The following NARS2 variants were observed in gnomAD, a reference collection of about 807,000 sequenced individuals.
NARS2 encodes asparaginyl-tRNA synthetase.
Under a neutral mutation model 62.9 loss-of-function variants are expected in NARS2, and 60 were observed. The ratio of observed to expected loss-of-function variants is 0.95; its 90% CI spans 0.77 to 1.18. The LOEUF (loss-of-function observed/expected upper bound fraction) is 1.18, where lower values mean the gene tolerates loss of function less well. Ranked by LOEUF, NARS2 falls within the 50% of genes most tolerant of loss-of-function variation. The pLI, the probability that NARS2 is intolerant of heterozygous loss-of-function variation, is 0.00. For synonymous variants in NARS2, 196 were observed against 200.0 expected (o/e 0.98, Z 0.17); for missense variants, 619 against 576.4 (o/e 1.07, Z -0.76).
chr11:78,441,881 C>T (rs1464180860), intron 12 of NARS2, among the ~76,000 whole-genome samples: 1 of 152,104 alleles, frequency 6.6e-6, no homozygotes, highest in African/African-American at 2.4e-5. Context: ...TGTTTGAGAA[C>T]TATTAATAAA....
chr11:78,438,871 T>A (rs1017333784), intron 13 of NARS2, among the ~76,000 whole-genome samples: 6 of 152,184 alleles, frequency 3.9e-5, no homozygotes, highest in Non-Finnish European at 8.8e-5. Flanking sequence ...TTACCTTTAA[T>A]ATACTAATAT....
At chr11:78,537,237 G>A (rs1855391643) in intron 5 of NARS2, among the ~76,000 whole-genome samples, 1 of 152,056 alleles carries the variant, frequency 6.6e-6, no homozygotes, top group African/African-American at 2.4e-5. Flanking sequence ...GTTAAGTCAC[G>A]ATACAAAAAA....
At position 78,535,693 on chromosome 11, in the gene NARS2, G is replaced by A. The variant is rs1013927922; in HGVS notation, c.595-6757C>T. Among the ~76,000 whole-genome samples, 10 of 151,124 alleles carry A rather than the reference G, an allele frequency of 6.6e-5. No homozygotes were observed. The East Asian group carries it at 1.6e-3, about 24-fold the overall frequency. ...TGCCGAGGCTGGAGTGCAATGGCAC[G>A]ATCTCAGCTCACCACAACCTCTGCC... On this transcript the variant is annotated intron_variant, in intron 5 of 13. Transcript: ENST00000281038.
At chr11:78,550,310 T>C (rs1856051227) in intron 5 of NARS2, among the ~76,000 whole-genome samples, 1 of 152,214 alleles carries the variant, frequency 6.6e-6, no homozygotes, top group Non-Finnish European at 1.5e-5. Context: ...GTTTCACTGT[T>C]CCCACCTTGC....
chr11:78,542,779 GT>G (rs746159089), intron 5 of NARS2, among the ~76,000 whole-genome samples: 149 of 152,268 alleles, frequency 9.8e-4, no homozygotes, highest in Non-Finnish European at 1.2e-3. Flanking sequence ...CGCACCTGTA[GT>G]TTTAGTAACT....
At chr11:78,502,720 G>A (rs34859687) in intron 6 of NARS2, among the ~76,000 whole-genome samples, 8 of 152,146 alleles carry the variant, frequency 5.3e-5, no homozygotes, top group Non-Finnish European at 7.4e-5. Context: ...GCCAGGCGCG[G>A]CGCCTCACGC....
At chr11:78,464,256 G>T (rs992856492) in intron 11 of NARS2, among the ~76,000 whole-genome samples, 2 of 152,156 alleles carry the variant, frequency 1.3e-5, no homozygotes, top group Non-Finnish European at 2.9e-5. Context: ...CGCGGTGAGT[G>T]TTACAGCTCA....
intron 6 of NARS2, among the ~76,000 whole-genome samples, chr11:78,494,473 T>TTC (rs1555023024): frequency 1.3e-5 from 2 of 149,048 alleles, no homozygotes; most frequent in East Asian, 3.9e-4. Flanking sequence ...CTTTTTCTTT[T>TTC]TTTTTTTTTT....
Position 78,469,326 on chromosome 11 carries a change from A to T in NARS2, c.960-13T>A. ...AGTATAAGAAATGCTGGAGGAAAAC[A>T]GGATACAAGCAGAGAAAAGTCAATA... On this transcript the variant is annotated splice_polypyrimidine_tract_variant and intron_variant, in intron 9 of 13. Coordinates refer to ENST00000281038, the MANE Select transcript of NARS2 (RefSeq NM_024678.6). 1 of 1,608,514 alleles carries T rather than the reference A, an allele frequency of 6.2e-7. No homozygotes were observed. The highest frequency in any genetic ancestry group is 8.5e-7 in the Non-Finnish European group (1 of 1,175,094).
intron 11 of NARS2, among the ~76,000 whole-genome samples, chr11:78,463,604 T>C (rs1858479928): frequency 6.8e-6 from 1 of 147,688 alleles, no homozygotes; most frequent in African/African-American, 2.5e-5. Context: ...GAAAATCACT[T>C]GAACCTGGGA....
intron 6 of NARS2, among the ~76,000 whole-genome samples, chr11:78,494,747 G>C (rs1227652433): frequency 3.3e-5 from 5 of 152,056 alleles, no homozygotes; most frequent in Admixed American, 2.6e-4. Context: ...TTGCCTACTA[G>C]AATGTTTTGA....
At chr11:78,497,241 G>C (rs1192775339) in intron 6 of NARS2, among the ~76,000 whole-genome samples, 1 of 107,312 alleles carries the variant, frequency 9.3e-6, no homozygotes, top group Admixed American at 9.8e-5. Context: ...AAGCAAAATT[G>C]AAAAAAAAAA....
chr11:78,545,020 C>T (rs1466982668), intron 5 of NARS2, among the ~76,000 whole-genome samples: 1 of 152,000 alleles, frequency 6.6e-6, no homozygotes, highest in African/African-American at 2.4e-5. Context: ...TGTTTAAGTC[C>T]TAATTTATAG....
chr11:78,564,354 C>T (rs1473259351), intron 4 of NARS2, among the ~76,000 whole-genome samples: 1 of 152,050 alleles, frequency 6.6e-6, no homozygotes, highest in African/African-American at 2.4e-5. Flanking sequence ...TGCCACCATG[C>T]CTGGCTAATT....
At chr11:78,538,734 G>A (rs1855477266) in intron 5 of NARS2, among the ~76,000 whole-genome samples, 1 of 151,902 alleles carries the variant, frequency 6.6e-6, no homozygotes, top group Non-Finnish European at 1.5e-5. Context: ...GGTGGCTCAC[G>A]CCTGTAATCC....
chr11:78,492,128 CACACACAT>C, intron 7 of NARS2, among the ~76,000 whole-genome samples: 1 of 151,802 alleles, frequency 6.6e-6, no homozygotes, highest in African/African-American at 2.4e-5. Flanking sequence ...CACACACACA[CACACACAT>C]ATATAGATTT....
chr11:78,557,515 A>G (rs1335349565), intron 5 of NARS2, among the ~76,000 whole-genome samples: 4 of 152,224 alleles, frequency 2.6e-5, no homozygotes. Context: ...AGGTCGACAC[A>G]GCATAAAAGC....
At chr11:78,571,606 C>T (rs1189062405) in intron 1 of NARS2, 162 bp from the exon 2 acceptor site, 6 of 570,566 alleles carry the variant, frequency 1.1e-5, no homozygotes, top group Non-Finnish European at 1.6e-5. Context: ...TTATATGTTC[C>T]AATCACAATA....
chr11:78,544,929 G>C (rs1269152974), intron 5 of NARS2, among the ~76,000 whole-genome samples: 1 of 151,656 alleles, frequency 6.6e-6, no homozygotes, highest in Non-Finnish European at 1.5e-5. Context: ...GCAGTGAGGT[G>C]AGATCGCGCC....
Sources: gnomAD v4.1 joint callset for allele counts (sites outside exome capture counted in the v4.1 genomes callset) on GRCh38, gnomAD v4.1.1 for gene constraint, MANE v1.5 for transcripts, NCBI Gene and HGNC (gene_info 2026-07-23, HGNC 2026-07-21) for gene names.